Variants in FBXL7 observed in about 807,000 individuals in gnomAD.
FBXL7 encodes F-box/LRR-repeat protein 7.
Under a neutral mutation model 38.3 loss-of-function variants are expected in FBXL7, and 12 were observed. That is an observed-to-expected ratio of 0.31 (90% CI 0.20 to 0.51). FBXL7 has a LOEUF of 0.51. Ranked by LOEUF, FBXL7 falls within the 20% of genes least tolerant of loss-of-function variation. FBXL7 has a pLI of 0.98. For missense variants in FBXL7, 567 were observed against 676.4 expected (o/e 0.84, Z 1.79); for synonymous variants, 297 against 300.9 (o/e 0.99, Z 0.13).
Position 15,937,053 on chromosome 5 carries a change from T to G in FBXL7, c.1343T>G (p.Ile448Ser). ...CESITGQGLQIVAANCFDLQT... is the reference protein window; with the variant it reads ...CESITGQGLQSVAANCFDLQT... The stretch of plus-strand genomic sequence containing the variant: ...AGCATCACCGGCCAGGGCTTGCAGA[T>G]CGTGGCCGCCAACTGCTTTGACCTC... The change falls in exon 4 of 4, where the codon ATC becomes AGC. Residue 448 changes from isoleucine (I) to serine (S), a missense_variant. Coordinates refer to ENST00000504595, the MANE Select transcript of FBXL7 (RefSeq NM_012304.5). 1 of 1,613,998 alleles carries G rather than the reference T, an allele frequency of 6.2e-7. No homozygotes were observed. The highest frequency in any genetic ancestry group is 8.5e-7 in the Non-Finnish European group (1 of 1,179,894).
intron 2 of FBXL7, among the ~76,000 whole-genome samples, chr5:15,675,324 C>A (rs550815061): frequency 6.6e-6 from 1 of 152,288 alleles, no homozygotes; most frequent in East Asian, 1.9e-4. Flanking sequence ...TGAATCTAGG[C>A]ATTATCTGAA....
At chr5:15,616,999 G>C (rs538430165) in intron 2 of FBXL7, among the ~76,000 whole-genome samples, 9 of 152,210 alleles carry the variant, frequency 5.9e-5, no homozygotes, top group Non-Finnish European at 1.3e-4. Flanking sequence ...TTTAATTTCT[G>C]TTGGTCATAA....
At chr5:15,757,130 A>G (rs1010140633) in intron 2 of FBXL7, among the ~76,000 whole-genome samples, 1 of 152,208 alleles carries the variant, frequency 6.6e-6, no homozygotes, top group Non-Finnish European at 1.5e-5. Context: ...GAATTGGGGT[A>G]AATGAGCAAT....
At chr5:15,915,215 A>C (rs1018153476) in intron 2 of FBXL7, among the ~76,000 whole-genome samples, 5 of 152,232 alleles carry the variant, frequency 3.3e-5, no homozygotes, top group Non-Finnish European at 5.9e-5. Context: ...TTCAATATAA[A>C]AGTGTGGAAA....
rs1174699835 is a variant in FBXL7 at position 15,757,246 on chromosome 5, A to C, written c.127+141174A>C. 5.5e-4 allele frequency among the ~76,000 whole-genome samples: 84 copies of C among 152,222 alleles called. 1 individual carries two copies. Among genetic ancestry groups the C allele is most frequent in the Non-Finnish European group, 2.9e-5 (2 of 68,002 alleles). On this transcript the variant is annotated intron_variant, in intron 2 of 3. Transcript: ENST00000504595. ...AAAGGCAAGGTTTGTGGGTAAGAAA[A>C]ATTATTGAAATAATGTAGGAATAAC...
At chr5:15,550,697 C>G (rs191002991) in intron 1 of FBXL7, among the ~76,000 whole-genome samples, 1 of 152,338 alleles carries the variant, frequency 6.6e-6, no homozygotes, top group Admixed American at 6.5e-5. Flanking sequence ...ACTGACTTAA[C>G]AAGTTAAAAC....
intron 2 of FBXL7, among the ~76,000 whole-genome samples, chr5:15,863,836 A>C (rs1356475802): frequency 1.3e-5 from 2 of 152,174 alleles, no homozygotes; most frequent in Non-Finnish European, 2.9e-5. Context: ...CTGCCCATGC[A>C]GGGTCCTCCT....
At chr5:15,918,897 G>A (rs12659611) in intron 2 of FBXL7, among the ~76,000 whole-genome samples, 48 of 152,298 alleles carry the variant, frequency 3.2e-4, no homozygotes, top group African/African-American at 8.9e-4. Flanking sequence ...CAAGATTAAC[G>A]TCTGCATACA....
chr5:15,655,923 T>C (rs1003740173), intron 2 of FBXL7, among the ~76,000 whole-genome samples: 1 of 152,238 alleles, frequency 6.6e-6, no homozygotes, highest in Admixed American at 6.5e-5. Flanking sequence ...TACAAAGTAC[T>C]TTCCCTGCCA....
chr5:15,763,044 A>C (rs1736490855), intron 2 of FBXL7, among the ~76,000 whole-genome samples: 1 of 152,082 alleles, frequency 6.6e-6, no homozygotes, highest in Non-Finnish European at 1.5e-5. Context: ...TATCAAGTAC[A>C]TTTCATTTTT....
chr5:15,808,297 C>A (rs747061330), intron 2 of FBXL7, among the ~76,000 whole-genome samples: 2 of 151,948 alleles, frequency 1.3e-5, no homozygotes, highest in East Asian at 1.9e-4. Flanking sequence ...TTTTTTTTTA[C>A]ATTAATTTGC....
At chr5:15,866,811 T>A (rs1739735755) in intron 2 of FBXL7, among the ~76,000 whole-genome samples, 1 of 152,138 alleles carries the variant, frequency 6.6e-6, no homozygotes, top group African/African-American at 2.4e-5. Flanking sequence ...GGCTTCCAGC[T>A]TCATCCATAT....
intron 2 of FBXL7, among the ~76,000 whole-genome samples, chr5:15,848,839 T>C (rs1042160589): frequency 5.3e-5 from 8 of 152,206 alleles, no homozygotes; most frequent in African/African-American, 1.9e-4. Context: ...GCAGAAACTT[T>C]AGGGGCCTCA....
chr5:15,500,458 G>A lies in FBXL7; in HGVS notation c.-219G>A. On this transcript the variant is annotated 5_prime_UTR_variant, in exon 1 of 4. Transcript: ENST00000504595. The stretch of plus-strand genomic sequence containing the variant: ...CGCGGATTGTAAGTGCTGCAGCTGT[G>A]CCCGGCCCCGCCTGGAGCCACCGGG... 1.7e-6 allele frequency: 1 copy of A among 604,286 alleles called. No individual in the cohort carries two copies. The highest frequency in any genetic ancestry group is 1.9e-5 in the South Asian group (1 of 51,530). The allele number at this position is 604,286 out of a possible 1,614,324, so 37.4% of individuals were successfully genotyped here.
chr5:15,789,714 A>T (rs1322042115), intron 2 of FBXL7, among the ~76,000 whole-genome samples: 1 of 152,050 alleles, frequency 6.6e-6, no homozygotes, highest in Non-Finnish European at 1.5e-5. Flanking sequence ...TCTTCTTCCC[A>T]TCACTTCAAT....
At chr5:15,539,088 T>C (rs942502832) in intron 1 of FBXL7, among the ~76,000 whole-genome samples, 8 of 152,246 alleles carry the variant, frequency 5.3e-5, no homozygotes, top group Admixed American at 1.3e-4. Context: ...AACATACTTA[T>C]ATACCTGAGC....
intron 2 of FBXL7, among the ~76,000 whole-genome samples, chr5:15,631,306 A>G (rs1460307573): frequency 6.6e-6 from 1 of 152,222 alleles, no homozygotes; most frequent in African/African-American, 2.4e-5. Flanking sequence ...AAAATGATAC[A>G]TGTACATGTG....
Position 15,728,290 on chromosome 5 carries a change from A to AT in FBXL7, c.127+112224dup, listed in dbSNP as rs573325891. Among the ~76,000 whole-genome samples the AT allele has an allele frequency of 3.9e-5, 6 of 151,998 alleles. No individual in the cohort carries two copies. In the East Asian group the frequency reaches 1.2e-3, roughly 29 times the overall value. ...TTCCTGTTTATTTGTGTGCCTTATTATTTTTTATTAAAATTGTACATCTGA... is the reference window on the plus strand; with the variant it reads ...TTCCTGTTTATTTGTGTGCCTTATTATTTTTTTATTAAAATTGTACATCTGA... On this transcript the variant is annotated intron_variant, in intron 2 of 3. Coordinates refer to ENST00000504595, the MANE Select transcript of FBXL7 (RefSeq NM_012304.5).
chr5:15,558,109 A>C (rs891570103), intron 1 of FBXL7, among the ~76,000 whole-genome samples: 26 of 152,318 alleles, frequency 1.7e-4, no homozygotes, highest in South Asian at 8.3e-4. Context: ...AATGAATACC[A>C]CTGGATTCTA....
Sources: allele counts gnomAD v4.1 joint callset (sites outside exome capture counted in the v4.1 genomes callset), GRCh38; gene constraint gnomAD v4.1.1; transcripts MANE v1.5; gene names NCBI Gene and HGNC (gene_info 2026-07-23, HGNC 2026-07-21).